The following PTDSS1 variants were observed in gnomAD, a reference collection of about 807,000 sequenced individuals.
The protein encoded by PTDSS1 is phosphatidylserine synthase 1, also known as PSS-1.
In PTDSS1, 45 loss-of-function variants were observed where a neutral mutation model predicts 70.5. That is an observed-to-expected ratio of 0.64 (90% CI 0.50 to 0.82). PTDSS1 has a LOEUF of 0.82. Among genes scored for constraint, PTDSS1 ranks in the 40% least tolerant of loss-of-function variants. PTDSS1 has a pLI of 0.00. For missense variants in PTDSS1, 417 were observed against 586.1 expected (o/e 0.71, Z 2.98); for synonymous variants, 188 against 203.8 (o/e 0.92, Z 0.66).
intron 4 of PTDSS1, chr8:96,287,409 CCT>C (rs1474111637): frequency 4.8e-6 from 2 of 419,590 alleles, no homozygotes; most frequent in Non-Finnish European, 8.4e-6. Context: ...GTGAATTCTG[CCT>C]CTGTTACTTG....
chr8:96,320,069 T>C (rs1811353111), intron 9 of PTDSS1, among the ~76,000 whole-genome samples, 177 bp from the exon 10 acceptor site: 2 of 152,168 alleles, frequency 1.3e-5, no homozygotes, highest in Non-Finnish European at 2.9e-5. Flanking sequence ...CTTTATTATT[T>C]CCGAAGTAAA....
rs1811547403 is a variant in PTDSS1, at chr8:96,333,481, A to T, written c.1337A>T (p.His446Leu). ...TKGSEDSPPK[H>L]AGNNESHSSR... ...GGTTCTGAAGACAGCCCACCCAAGC[A>T]TGCAGGCAACAACGAAAGCCATTCT... Residue 446 changes from histidine to leucine, a missense_variant, in exon 13 of 13, where the codon CAT becomes CTT. Around this residue, in one of 3 missense-constraint regions of PTDSS1, gnomAD observed 107 missense variants for 122.3 expected, o/e 0.88. Transcript: ENST00000517309. 6.2e-7 allele frequency: 1 copy of T among 1,613,996 alleles called. No homozygotes were observed. The highest frequency in any genetic ancestry group is 8.5e-7 in the Non-Finnish European group (1 of 1,179,882).
At chr8:96,324,694 C>T (rs1316380493) in intron 10 of PTDSS1, among the ~76,000 whole-genome samples, 2 of 152,222 alleles carry the variant, frequency 1.3e-5, no homozygotes, top group Non-Finnish European at 2.9e-5. Context: ...CCTATCACCT[C>T]TTAAAGGCCC....
At chr8:96,296,129 GTTCT>G (rs1810971381) in intron 5 of PTDSS1, among the ~76,000 whole-genome samples, 1 of 109,280 alleles carries the variant, frequency 9.2e-6, no homozygotes, top group Non-Finnish European at 1.9e-5. Flanking sequence ...CCTTCATGGT[GTTCT>G]TTTTTTTTTT....
chr8:96,288,634 T>TTC (rs1312110860), intron 4 of PTDSS1, among the ~76,000 whole-genome samples: 2 of 140,160 alleles, frequency 1.4e-5, no homozygotes, highest in African/African-American at 5.6e-5. Flanking sequence ...CCTTTTTTTT[T>TTC]TTTTTTTTTT....
At chr8:96,317,376 A>T (rs1466648156) in intron 9 of PTDSS1, among the ~76,000 whole-genome samples, 1 of 151,704 alleles carries the variant, frequency 6.6e-6, no homozygotes, top group African/African-American at 2.4e-5. Context: ...CTTAGCTAAG[A>T]CTCCTCAGCA....
intron 2 of PTDSS1, among the ~76,000 whole-genome samples, chr8:96,274,666 G>A (rs548839013): frequency 3.3e-5 from 5 of 152,236 alleles, no homozygotes; most frequent in Non-Finnish European, 5.9e-5. Context: ...CGGAGGTTGC[G>A]GTGAGCCAAG....
Position 96,262,345 on chromosome 8 carries a change from G to A in PTDSS1, c.179+126G>A, listed in dbSNP as rs372210311. 3 of 1,229,982 alleles carry A rather than the reference G, an allele frequency of 2.4e-6. No homozygotes were observed. Among genetic ancestry groups the A allele is most frequent in the African/African-American group, 1.5e-5 (1 of 64,924 alleles). The allele number at this position is 1,229,982 out of a possible 1,614,324, so 76.2% of individuals were successfully genotyped here. ...AGTGGGCTGGCTGCTCCACGCACAC[G>A]CACTGGCAGCCCGCCGCCCACGCGG... On this transcript the variant is annotated intron_variant, in intron 1 of 12. Coordinates refer to ENST00000517309, the MANE Select transcript of PTDSS1 (RefSeq NM_014754.3). This position sits in a 1 kb window ranked among gnomAD's most constrained non-coding sequence, Gnocchi z 4.4.
chr8:96,329,455 T>A (rs530702975), intron 10 of PTDSS1, among the ~76,000 whole-genome samples: 1 of 152,296 alleles, frequency 6.6e-6, no homozygotes, highest in South Asian at 2.1e-4. Flanking sequence ...TTTGACATGT[T>A]TTGAAACTTT....
At position 96,324,383 on chromosome 8, in the gene PTDSS1, T is replaced by C. The variant is rs562467755; in HGVS notation, c.1173+4038T>C. Among the ~76,000 whole-genome samples, 48 of 152,342 alleles carry C rather than the reference T, an allele frequency of 3.2e-4. 1 individual carries two copies. Among genetic ancestry groups the C allele is most frequent in the Admixed American group, 1.5e-3 (23 of 15,312 alleles). ...CTTCCATATTTTCAAGTATTTGTTA[T>C]AGTAACCACCCCACTTTTTGGTACC... On this transcript the variant is annotated intron_variant, in intron 10 of 12. Transcript: ENST00000517309.
In PTDSS1 at chr8:96,333,648, G is replaced by A. The variant is rs773602061; in HGVS notation, c.*82G>A. 1.2e-5 allele frequency: 16 copies of A among 1,344,726 alleles called. No individual in the cohort carries two copies. Among genetic ancestry groups the A allele is most frequent in the Non-Finnish European group, 1.6e-5 (15 of 936,878 alleles). 83.3% of individuals were successfully genotyped at this position (1,344,726 alleles called of 1,614,324 possible). A position where few individuals can be genotyped will look rare whatever the true frequency, so the allele number is the denominator to read the frequency against. On this transcript the variant is annotated 3_prime_UTR_variant, in exon 13 of 13. Transcript: ENST00000517309. ...ACTCATTTGGAACTCCCCGTGAGGA[G>A]GTCGAGGCGCACAGGGCAAGCAGGA... is the stretch of plus-strand genomic sequence containing the variant.
chr8:96,304,149 G>C lies in PTDSS1; in HGVS notation c.862G>C (p.Ala288Pro), dbSNP rs771791571. Reference sequence around the variant, plus strand: ...CCCCAAATCTTCTTTTCAGAGAGTAGCTGGAGTGTACCTTTTCATGATCAT... The same window carrying C: ...CCCCAAATCTTCTTTTCAGAGAGTACCTGGAGTGTACCTTTTCATGATCAT... ...FDPKSSFQRV[A>P]GVYLFMIIWQ... Residue 288 changes from alanine to proline, a missense_variant, in exon 7 of 13, where the codon GCT (alanine) becomes CCT (proline). This residue lies in a region of PTDSS1 where 272 missense variants were observed against 429.5 expected (regional missense o/e 0.63). Coordinates refer to ENST00000517309, the MANE Select transcript of PTDSS1 (RefSeq NM_014754.3). 1 of 1,613,738 alleles carries C rather than the reference G, an allele frequency of 6.2e-7. No individual in the cohort carries two copies. The highest frequency in any genetic ancestry group is 8.5e-7 in the Non-Finnish European group (1 of 1,179,888).
intron 1 of PTDSS1, among the ~76,000 whole-genome samples, chr8:96,269,628 A>G (rs907773817): frequency 6.6e-6 from 1 of 152,210 alleles, no homozygotes; most frequent in African/African-American, 2.4e-5. Flanking sequence ...CTGCAGCCTC[A>G]CAAAGCCGTA....
At chr8:96,303,627 G>GTTT (rs1811080560) in intron 6 of PTDSS1, among the ~76,000 whole-genome samples, 1 of 152,122 alleles carries the variant, frequency 6.6e-6, no homozygotes, top group East Asian at 1.9e-4. Context: ...GTTCTTTCAT[G>GTTT]GGTGTGTGAA....
chr8:96,274,402 T>G (rs1810610613), intron 2 of PTDSS1, among the ~76,000 whole-genome samples: 1 of 152,128 alleles, frequency 6.6e-6, no homozygotes, highest in Non-Finnish European at 1.5e-5. Context: ...TTTGTCCTAT[T>G]TTTTGAGATA....
chr8:96,287,266 AC>A, intron 4 of PTDSS1, 120 bp downstream of exon 4: 1 of 1,367,832 alleles, frequency 7.3e-7, no homozygotes, highest in Non-Finnish European at 9.9e-7. Flanking sequence ...TTACCTAAAA[AC>A]CAGGTCTCTG....
intron 10 of PTDSS1, among the ~76,000 whole-genome samples, chr8:96,320,728 CATGGATTTATATAT>C (rs1420882453): frequency 2.6e-5 from 4 of 152,166 alleles, no homozygotes; most frequent in Non-Finnish European, 4.4e-5. Flanking sequence ...TATCATTGCA[CATGGATTTATATAT>C]AAAAGGACAT....
At chr8:96,284,047 C>A in intron 2 of PTDSS1, 62 bp from the exon 3 acceptor site, 1 of 1,379,052 alleles carries the variant, frequency 7.3e-7, no homozygotes, top group South Asian at 1.2e-5. Flanking sequence ...TCAGCAGCAC[C>A]TTAAGTTTTA....
chr8:96,262,044 G>T lies in PTDSS1; in HGVS notation c.4G>T (p.Ala2Ser). M[A>S]SCVGSRTLSK... Reference sequence around the variant, plus strand: ...CGGCAGGACGGGGAGGCGGGCCATGGCGTCCTGCGTGGGGAGCCGGACCCT... The same window carrying T: ...CGGCAGGACGGGGAGGCGGGCCATGTCGTCCTGCGTGGGGAGCCGGACCCT... Residue 2 changes from alanine (A) to serine (S), a missense_variant, in exon 1 of 13, where the codon GCG becomes TCG. Physicochemically the swap from Ala to Ser is moderately conservative, Grantham distance 99 (BLOSUM62 1). Coordinates refer to ENST00000517309, the MANE Select transcript of PTDSS1 (RefSeq NM_014754.3). This position sits in a 1 kb window ranked among gnomAD's most constrained non-coding sequence, Gnocchi z 4.4. The T allele has an allele frequency of 6.2e-7, 1 of 1,611,792 alleles. No homozygotes were observed. Among genetic ancestry groups the T allele is most frequent in the Non-Finnish European group, 8.5e-7 (1 of 1,178,870 alleles).
Sources: gnomAD v4.1 joint callset for allele counts (sites outside exome capture counted in the v4.1 genomes callset) on GRCh38, gnomAD v4.1.1 for gene constraint, gnomAD v4.1.1 regional missense constraint, Gnocchi (gnomAD v3.1) non-coding constraint, MANE v1.5 for transcripts, NCBI Gene and HGNC (gene_info 2026-07-23, HGNC 2026-07-21) for gene names.